LYRM4: variants seen among roughly 807,000 people sequenced by gnomAD.
LYRM4 encodes LYR motif-containing protein 4.
A neutral mutation model predicts 11.7 loss-of-function variants in LYRM4; 9 were observed. The observed-to-expected ratio is 0.77, with a 90% CI of 0.46 to 1.34. The LOEUF is 1.34. LYRM4 is among the 40% of genes most tolerant of loss of function. The pLI is 0.00. For missense variants in LYRM4, 133 were observed against 112.5 expected, an observed-to-expected ratio of 1.18 and a Z score of -0.82; for synonymous variants, 42 against 40.4, an observed-to-expected ratio of 1.04 and a Z score of -0.15.
At chr6:5,221,881 A>G (rs937906113) in intron 1 of LYRM4, among the ~76,000 whole-genome samples, 8 of 152,164 alleles carry the variant, frequency 5.3e-5, no homozygotes, top group African/African-American at 1.7e-4. Flanking sequence ...AACTTTCCAC[A>G]TCCCTTCTGA....
intron 2 of LYRM4, among the ~76,000 whole-genome samples, chr6:5,160,008 C>CT (rs1351650325): frequency 6.6e-6 from 1 of 152,194 alleles, no homozygotes; most frequent in African/African-American, 2.4e-5. Context: ...AAAACTTCAG[C>CT]TTACGGCTGA....
intron 1 of LYRM4, among the ~76,000 whole-genome samples, chr6:5,245,872 G>C (rs762357333): frequency 6.6e-6 from 1 of 152,208 alleles, no homozygotes; most frequent in Non-Finnish European, 1.5e-5. Flanking sequence ...GAGCATTTAA[G>C]AAGCTGAGAA....
At chr6:5,201,218 T>A (rs1329390595) in intron 2 of LYRM4, among the ~76,000 whole-genome samples, 2 of 152,034 alleles carry the variant, frequency 1.3e-5, no homozygotes, top group Non-Finnish European at 2.9e-5. Flanking sequence ...TCTTTTGCCA[T>A]CAAAAGAAAA....
intron 2 of LYRM4, among the ~76,000 whole-genome samples, chr6:5,183,302 TC>T (rs1760186510): frequency 6.6e-6 from 1 of 151,936 alleles, no homozygotes; most frequent in South Asian, 2.1e-4. Flanking sequence ...ACAACATCCT[TC>T]ATCTGCTGTG....
intron 2 of LYRM4, among the ~76,000 whole-genome samples, chr6:5,137,908 C>T (rs973830675): frequency 6.6e-6 from 1 of 152,166 alleles, no homozygotes. Flanking sequence ...AGCATTCATC[C>T]TGCCATTTTT....
chr6:5,169,268 T>C (rs1007693390), intron 2 of LYRM4, among the ~76,000 whole-genome samples: 6 of 152,136 alleles, frequency 3.9e-5, no homozygotes, highest in African/African-American at 7.2e-5. Flanking sequence ...TTATCACTTA[T>C]CTGACAGCAG....
chr6:5,249,617 G>A (rs746526390), intron 1 of LYRM4, among the ~76,000 whole-genome samples: 1 of 152,174 alleles, frequency 6.6e-6, no homozygotes, highest in Non-Finnish European at 1.5e-5. Flanking sequence ...GATACATTAT[G>A]TCATAACCTT....
At chr6:5,153,623 G>A (rs1349883218) in intron 2 of LYRM4, among the ~76,000 whole-genome samples, 1 of 152,112 alleles carries the variant, frequency 6.6e-6, no homozygotes, top group Non-Finnish European at 1.5e-5. Context: ...AAATACACAC[G>A]GACACTCTTG....
chr6:5,114,188 G>A (rs1448980761), intron 2 of LYRM4, among the ~76,000 whole-genome samples: 1 of 152,224 alleles, frequency 6.6e-6, no homozygotes, highest in Non-Finnish European at 1.5e-5. Flanking sequence ...GAACTTGATA[G>A]CTGGAACACC....
intron 2 of LYRM4, among the ~76,000 whole-genome samples, chr6:5,165,675 T>G (rs1405336703): frequency 6.6e-6 from 1 of 152,028 alleles, no homozygotes; most frequent in Non-Finnish European, 1.5e-5. Flanking sequence ...CCCGAGTAGC[T>G]GGGACTAGAG....
At chr6:5,065,356 A>C in the LYRM4 span, among the ~76,000 whole-genome samples, 3 of 152,040 alleles carry the variant, frequency 2.0e-5, no homozygotes, top group Non-Finnish European at 4.4e-5. Flanking sequence ...AAAAGTTTAA[A>C]TCATATTAAA....
chr6:5,235,953 A>AAC (rs1763513743), intron 1 of LYRM4, among the ~76,000 whole-genome samples: 1 of 151,936 alleles, frequency 6.6e-6, no homozygotes, highest in Non-Finnish European at 1.5e-5. Flanking sequence ...AAGAAATGTT[A>AAC]ACATTATGCT....
intron 2 of LYRM4, among the ~76,000 whole-genome samples, chr6:5,143,250 G>A (rs890870141): frequency 5.3e-5 from 8 of 152,214 alleles, no homozygotes; most frequent in African/African-American, 1.4e-4. Context: ...AGGGTACGGT[G>A]GCCAATCTTA....
At chr6:5,239,714 C>T (rs1335817059) in intron 1 of LYRM4, among the ~76,000 whole-genome samples, 1 of 152,104 alleles carries the variant, frequency 6.6e-6, no homozygotes, top group Non-Finnish European at 1.5e-5. Flanking sequence ...AGCTGACAGC[C>T]GGGAGAGTGC....
At chr6:5,210,229 T>A (rs1761921430) in intron 2 of LYRM4, among the ~76,000 whole-genome samples, 1 of 152,200 alleles carries the variant, frequency 6.6e-6, no homozygotes, top group Non-Finnish European at 1.5e-5. Context: ...CTAACATGTA[T>A]CAGTAGTTTC....
chr6:5,221,026 T>C (rs1435485584), intron 1 of LYRM4, among the ~76,000 whole-genome samples: 1 of 152,092 alleles, frequency 6.6e-6, no homozygotes, highest in East Asian at 1.9e-4. Flanking sequence ...AGGGTGTCAC[T>C]ATGCTGCCCA....
At chr6:5,216,542 C>A (rs1561876986) in intron 2 of LYRM4, 76 bp downstream of exon 2, 1 of 1,558,586 alleles carries the variant, frequency 6.4e-7, no homozygotes, top group Non-Finnish European at 8.8e-7. Context: ...ACCAAAAGCA[C>A]GGCTGTCTAA....
At chr6:5,090,015 G>GACACACAC in the LYRM4 span, among the ~76,000 whole-genome samples, 13,016 of 149,654 alleles carry the variant, frequency 0.087, 1,242 homozygotes, top group African/African-American at 0.24. This position sits in a 1 kb window ranked among gnomAD's most constrained non-coding sequence, Gnocchi z 4.8. Flanking sequence ...CTGAAAGGAA[G>GACACACAC]ACACACACAC....
chr6:5,237,736 C>T (rs1175367364), intron 1 of LYRM4, among the ~76,000 whole-genome samples: 4 of 152,118 alleles, frequency 2.6e-5, no homozygotes, highest in Non-Finnish European at 5.9e-5. Context: ...GTTGGATGTG[C>T]CAAGGACCTG....
Sources: gnomAD v4.1 joint callset for allele counts (sites outside exome capture counted in the v4.1 genomes callset) on GRCh38, gnomAD v4.1.1 for gene constraint, Gnocchi (gnomAD v3.1) non-coding constraint, MANE v1.5 for transcripts, NCBI Gene and HGNC (gene_info 2026-07-23, HGNC 2026-07-21) for gene names.